PRICKLE2: variants seen among roughly 807,000 people sequenced by gnomAD.
The protein encoded by PRICKLE2 is prickle planar cell polarity protein 2, also known as prickle-like protein 2.
In PRICKLE2, 21 loss-of-function variants were observed where a neutral mutation model predicts 81.4. The observed-to-expected ratio is 0.26, with a 90% CI of 0.18 to 0.37. The LOEUF (loss-of-function observed/expected upper bound fraction) is 0.37. Ranked by LOEUF, PRICKLE2 falls within the 10% of genes least tolerant of loss-of-function variation. The pLI, the probability that PRICKLE2 is intolerant of heterozygous loss-of-function variation, is 1.00. For missense variants in PRICKLE2, 940 were observed against 1,109.0 expected, an observed-to-expected ratio of 0.85 and a Z score of 2.16; for synonymous variants, 456 against 421.5, an observed-to-expected ratio of 1.08 and a Z score of -1.00.
intron 2 of PRICKLE2, among the ~76,000 whole-genome samples, chr3:64,262,675 T>C (rs1357942048): frequency 7.0e-6 from 1 of 143,206 alleles, no homozygotes; most frequent in Non-Finnish European, 1.5e-5. Flanking sequence ...AATTGGGAGG[T>C]AGGAGGAAGA....
intron 2 of PRICKLE2, among the ~76,000 whole-genome samples, chr3:64,233,925 CAT>C (rs1234460513): frequency 6.6e-6 from 1 of 152,190 alleles, no homozygotes; most frequent in African/African-American, 2.4e-5. Flanking sequence ...TTAGTGAAAA[CAT>C]ATAATATGTG....
chr3:64,146,853 G>A lies in PRICKLE2; in HGVS notation c.1637C>T (p.Ser546Phe), dbSNP rs1233133736. 1 of 1,614,036 alleles carries A rather than the reference G, an allele frequency of 6.2e-7. No homozygotes were observed. Among genetic ancestry groups the A allele is most frequent in the African/African-American group, 1.3e-5 (1 of 74,914 alleles). ...TEQTPRGSME[S>F]LALSNATGLS... Reference sequence around the variant, plus strand: ...ACCTGTTGCATTAGACAGGGCCAGGGATTCCATGGAGCCCCGAGGGGTCTG... The same window carrying A: ...ACCTGTTGCATTAGACAGGGCCAGGAATTCCATGGAGCCCCGAGGGGTCTG... The change falls in exon 7 of 8, where the codon TCC becomes TTC. Residue 546 changes from serine to phenylalanine, a missense_variant. Around this residue, in one of 2 missense-constraint regions of PRICKLE2, gnomAD observed 670 missense variants for 717.2 expected, o/e 0.93. Coordinates refer to ENST00000638394, the MANE Select transcript of PRICKLE2 (RefSeq NM_198859.4).
chr3:64,267,504 T>C (rs1051043705), intron 2 of PRICKLE2, among the ~76,000 whole-genome samples: 2 of 152,052 alleles, frequency 1.3e-5, no homozygotes, highest in Admixed American at 6.6e-5. Flanking sequence ...GAATAGAAAA[T>C]AACTAGGTCA....
At chr3:64,138,116 G>C (rs890261378) in intron 7 of PRICKLE2, among the ~76,000 whole-genome samples, 2 of 152,174 alleles carry the variant, frequency 1.3e-5, no homozygotes, top group African/African-American at 4.8e-5. Context: ...GTCAGTCCTG[G>C]ATGGATGGGA....
chr3:64,118,850 A>G (rs1813829), intron 7 of PRICKLE2, among the ~76,000 whole-genome samples: 5,345 of 41,330 alleles, frequency 0.13, 308 homozygotes, highest in East Asian at 0.55. Context: ...CAGAAATACC[A>G]TTCAACCCAG....
At chr3:64,169,582 A>G (rs970268452) in intron 2 of PRICKLE2, among the ~76,000 whole-genome samples, 90 of 152,214 alleles carry the variant, frequency 5.9e-4, no homozygotes, top group African/African-American at 2.1e-3. Context: ...AGAACTATGC[A>G]CTCTTAACAC....
chr3:64,159,878 T>A, intron 4 of PRICKLE2, 62 bp downstream of exon 4: 2 of 1,606,714 alleles, frequency 1.2e-6, no homozygotes, highest in East Asian at 2.2e-5. Flanking sequence ...AATTGTTGGA[T>A]GAATGAATGG....
At chr3:64,231,002 C>T (rs915540014) in intron 2 of PRICKLE2, among the ~76,000 whole-genome samples, 39 of 152,146 alleles carry the variant, frequency 2.6e-4, no homozygotes, top group Admixed American at 7.2e-4. Context: ...ATATCATAAA[C>T]GCTTCTTATC....
At chr3:64,124,834 A>T (rs570778374) in intron 7 of PRICKLE2, among the ~76,000 whole-genome samples, 2 of 152,300 alleles carry the variant, frequency 1.3e-5, no homozygotes, top group South Asian at 2.1e-4. Context: ...CAAGAATATG[A>T]ATGTTGTTTT....
chr3:64,106,780 G>A (rs1462751399), intron 7 of PRICKLE2, among the ~76,000 whole-genome samples: 7 of 152,156 alleles, frequency 4.6e-5, no homozygotes, highest in Non-Finnish European at 2.9e-5. Context: ...CTGTGTGTGC[G>A]TGCTCAAGCA....
upstream of PRICKLE2, among the ~76,000 whole-genome samples, chr3:64,226,492 G>A (rs575306721): frequency 1.3e-5 from 2 of 152,158 alleles, no homozygotes; most frequent in East Asian, 1.9e-4. Flanking sequence ...TACTAAGCAC[G>A]TACTCTATGC....
intron 2 of PRICKLE2, among the ~76,000 whole-genome samples, chr3:64,169,335 A>C (rs893819749): frequency 2.0e-5 from 3 of 152,158 alleles, no homozygotes; most frequent in African/African-American, 4.8e-5. Flanking sequence ...GACTTCAAAA[A>C]ATTTTTAAAA....
At chr3:64,177,445 T>C (rs2078046276) in intron 2 of PRICKLE2, among the ~76,000 whole-genome samples, 1 of 152,140 alleles carries the variant, frequency 6.6e-6, no homozygotes, top group South Asian at 2.1e-4. Context: ...ATTTTAACCA[T>C]TTTTAAGTGT....
chr3:64,118,128 G>T (rs2076966693), intron 7 of PRICKLE2, among the ~76,000 whole-genome samples: 1 of 152,172 alleles, frequency 6.6e-6, no homozygotes, highest in Non-Finnish European at 1.5e-5. Flanking sequence ...AATAAATGGT[G>T]CTGGGATAAC....
intron 2 of PRICKLE2, among the ~76,000 whole-genome samples, chr3:64,177,532 T>C (rs997767483): frequency 6.6e-6 from 1 of 152,146 alleles, no homozygotes; most frequent in African/African-American, 2.4e-5. Context: ...TTTTTCATCA[T>C]GTTAAACAGA....
At chr3:64,196,054 C>T (rs2078447036) in intron 2 of PRICKLE2, among the ~76,000 whole-genome samples, 1 of 152,196 alleles carries the variant, frequency 6.6e-6, no homozygotes, top group Non-Finnish European at 1.5e-5. Flanking sequence ...CAGATTTATG[C>T]TTCCCAAAGA....
intron 2 of PRICKLE2, among the ~76,000 whole-genome samples, chr3:64,176,285 T>C (rs1350178845): frequency 6.6e-6 from 1 of 152,202 alleles, no homozygotes; most frequent in African/African-American, 2.4e-5. Context: ...CACCTAGCAA[T>C]CTGTCTCCAA....
chr3:64,141,463 T>C (rs1242961216), intron 7 of PRICKLE2, among the ~76,000 whole-genome samples: 1 of 152,176 alleles, frequency 6.6e-6, no homozygotes, highest in Non-Finnish European at 1.5e-5. Flanking sequence ...ATAATGTCAG[T>C]TGTTCTTGAT....
chr3:64,139,640 G>C (rs2077330067), intron 7 of PRICKLE2, among the ~76,000 whole-genome samples: 1 of 152,164 alleles, frequency 6.6e-6, no homozygotes, highest in Non-Finnish European at 1.5e-5. Flanking sequence ...TGCAGGGCCT[G>C]ACATTTTAAG....
Sources: allele counts gnomAD v4.1 joint callset (sites outside exome capture counted in the v4.1 genomes callset), GRCh38; gene constraint gnomAD v4.1.1; regional missense constraint gnomAD v4.1.1; transcripts MANE v1.5; gene names NCBI Gene and HGNC (gene_info 2026-07-23, HGNC 2026-07-21).